Variants in BMPR1B observed in about 807,000 individuals in gnomAD.
BMPR1B encodes bone morphogenetic protein receptor type 1B.
A neutral mutation model predicts 59.1 loss-of-function variants in BMPR1B; 12 were observed. The observed-to-expected ratio is 0.20, with a 90% CI of 0.13 to 0.33. The LOEUF (loss-of-function observed/expected upper bound fraction) is 0.33. Ranked by LOEUF, BMPR1B falls within the 10% of genes least tolerant of loss-of-function variation. The probability of loss-of-function intolerance (pLI) is 1.00; values close to 1 mark genes in which losing one functional copy is unlikely to be tolerated. For synonymous variants in BMPR1B, 237 were observed against 207.3 expected (o/e 1.14, Z -1.23); for missense variants, 550 against 610.9 (o/e 0.90, Z 1.05).
intron 2 of BMPR1B, among the ~76,000 whole-genome samples, chr4:94,957,943 G>A (rs919294232): frequency 6.6e-6 from 1 of 152,094 alleles, no homozygotes; most frequent in Non-Finnish European, 1.5e-5. Flanking sequence ...GTGTTGATTT[G>A]TAGGCCATTA....
rs566329047 is a variant in BMPR1B, at chr4:95,099,327, A to G, written c.-17-5081A>G. Among the ~76,000 whole-genome samples, 5 of 152,278 alleles carry G rather than the reference A, an allele frequency of 3.3e-5. No homozygotes were observed. In the East Asian group the frequency reaches 9.7e-4, roughly 29 times the overall value. On this transcript the variant is annotated intron_variant, in intron 3 of 12. Coordinates refer to ENST00000515059, the MANE Select transcript of BMPR1B (RefSeq NM_001203.3). Reference sequence around the variant, plus strand: ...GTGACTAATTACTTCCTTATATTGAATGGACAAGGAATTTGTAAATGCATT... The same window carrying G: ...GTGACTAATTACTTCCTTATATTGAGTGGACAAGGAATTTGTAAATGCATT...
intron 1 of BMPR1B, among the ~76,000 whole-genome samples, chr4:94,798,563 G>T (rs886946742): frequency 5.3e-5 from 8 of 152,118 alleles, no homozygotes; most frequent in Admixed American, 4.6e-4. Flanking sequence ...TGCTCCCACG[G>T]ACGTTTACTC....
chr4:94,864,119 C>T (rs1274749527), intron 1 of BMPR1B, among the ~76,000 whole-genome samples: 1 of 152,084 alleles, frequency 6.6e-6, no homozygotes, highest in African/African-American at 2.4e-5. Flanking sequence ...TAGGTTATGT[C>T]TCCAGATAGC....
At chr4:95,091,742 G>A (rs1212744099) in intron 3 of BMPR1B, 2 of 877,632 alleles carry the variant, frequency 2.3e-6, no homozygotes, top group Non-Finnish European at 2.7e-6. Flanking sequence ...TTAGAACTTA[G>A]CCTTTTTTGG....
intron 2 of BMPR1B, among the ~76,000 whole-genome samples, chr4:94,952,509 C>T (rs190082369): frequency 3.9e-5 from 6 of 152,250 alleles, no homozygotes; most frequent in South Asian, 2.1e-4. Context: ...GCCTTAATTT[C>T]GTTAGTTACC....
chr4:94,830,149 T>TAG (rs1177808867), intron 1 of BMPR1B, among the ~76,000 whole-genome samples: 1 of 152,190 alleles, frequency 6.6e-6, no homozygotes, highest in Non-Finnish European at 1.5e-5. Context: ...ATATGTTTGT[T>TAG]ACAGTAAATT....
intron 2 of BMPR1B, among the ~76,000 whole-genome samples, chr4:94,877,494 A>G (rs529825359): frequency 1.3e-5 from 2 of 152,376 alleles, no homozygotes; most frequent in East Asian, 3.9e-4. Context: ...AAAGCAGAGA[A>G]AACCACTGCC....
At chr4:95,102,553 T>G (rs1401918772) in intron 3 of BMPR1B, among the ~76,000 whole-genome samples, 1 of 152,184 alleles carries the variant, frequency 6.6e-6, no homozygotes, top group Non-Finnish European at 1.5e-5. Flanking sequence ...CTGAGGTGAC[T>G]CAGGTCATAA....
intron 2 of BMPR1B, among the ~76,000 whole-genome samples, chr4:94,900,665 G>A (rs1237214570): frequency 1.3e-5 from 2 of 151,992 alleles, no homozygotes; most frequent in Non-Finnish European, 2.9e-5. Context: ...CAGCATAGAA[G>A]CTGTCTGTAT....
chr4:95,021,582 A>G (rs1430917787), intron 3 of BMPR1B, among the ~76,000 whole-genome samples: 1 of 152,162 alleles, frequency 6.6e-6, no homozygotes, highest in African/African-American at 2.4e-5. Flanking sequence ...TGGCATTTTG[A>G]TATTTCCCAT....
intron 2 of BMPR1B, among the ~76,000 whole-genome samples, chr4:94,970,257 T>G (rs1010275318): frequency 2.0e-5 from 2 of 102,096 alleles, no homozygotes; most frequent in Middle Eastern, 4.5e-3. Flanking sequence ...TTCTCTTCTC[T>G]TCTCTTCTCT....
chr4:94,916,405 G>A (rs1578798732), intron 2 of BMPR1B, among the ~76,000 whole-genome samples: 1 of 152,102 alleles, frequency 6.6e-6, no homozygotes, highest in African/African-American at 2.4e-5. Context: ...TGGAAATGAG[G>A]AACTTACTGG....
intron 1 of BMPR1B, among the ~76,000 whole-genome samples, chr4:94,836,184 A>G (rs1396415752): frequency 6.7e-6 from 1 of 150,026 alleles, no homozygotes; most frequent in Non-Finnish European, 1.5e-5. Context: ...GTTGGTTCCA[A>G]GTCTTTGCTA....
Position 94,835,679 on chromosome 4 carries a change from A to G in BMPR1B, c.-182-40152A>G, listed in dbSNP as rs946522848. Among the ~76,000 whole-genome samples the G allele has an allele frequency of 3.3e-5, 5 of 152,334 alleles. No homozygotes were observed. In the East Asian group the frequency reaches 9.6e-4, roughly 29 times the overall value. On this transcript the variant is annotated intron_variant, in intron 1 of 12. Coordinates refer to ENST00000515059, the MANE Select transcript of BMPR1B (RefSeq NM_001203.3). ...TAAGTTTTGTAAAACTCTACAATTTAAAGATTCTGTTTTCTAAGACTACAC... is the reference window on the plus strand; with the variant it reads ...TAAGTTTTGTAAAACTCTACAATTTGAAGATTCTGTTTTCTAAGACTACAC...
At chr4:95,057,710 A>G (rs1335935018) in intron 3 of BMPR1B, among the ~76,000 whole-genome samples, 1 of 152,128 alleles carries the variant, frequency 6.6e-6, no homozygotes, top group Admixed American at 6.5e-5. Flanking sequence ...TTATATTGAC[A>G]ATCAAAAACC....
chr4:94,799,365 G>T (rs192156751), intron 1 of BMPR1B, among the ~76,000 whole-genome samples: 1 of 150,504 alleles, frequency 6.6e-6, no homozygotes, highest in East Asian at 1.9e-4. Flanking sequence ...GTGCAGTGGC[G>T]CAATCTCGGC....
chr4:95,003,651 T>A (rs1214410483), intron 3 of BMPR1B, among the ~76,000 whole-genome samples: 1 of 152,116 alleles, frequency 6.6e-6, no homozygotes, highest in Non-Finnish European at 1.5e-5. Context: ...ATTTTATTAA[T>A]CCTTCTAATA....
chr4:95,049,177 G>C (rs1052875631), intron 3 of BMPR1B, among the ~76,000 whole-genome samples: 2 of 151,674 alleles, frequency 1.3e-5, no homozygotes, highest in Non-Finnish European at 2.9e-5. Flanking sequence ...GCAGTGGTGT[G>C]ATCATAGCTC....
intron 2 of BMPR1B, among the ~76,000 whole-genome samples, chr4:94,885,518 G>A (rs1184816517): frequency 2.6e-5 from 4 of 152,064 alleles, no homozygotes; most frequent in Non-Finnish European, 5.9e-5. Flanking sequence ...GCAGCCATTG[G>A]TGCTAACATA....
Sources: allele counts gnomAD v4.1 joint callset (sites outside exome capture counted in the v4.1 genomes callset), GRCh38; gene constraint gnomAD v4.1.1; transcripts MANE v1.5; gene names NCBI Gene and HGNC (gene_info 2026-07-23, HGNC 2026-07-21).